DGKG: variants seen among roughly 807,000 people sequenced by gnomAD.
DGKG encodes diacylglycerol kinase gamma.
In DGKG, 78 loss-of-function variants were observed where a neutral mutation model predicts 105.3. The ratio of observed to expected loss-of-function variants is 0.74; its 90% confidence interval spans 0.62 to 0.89. DGKG has a LOEUF of 0.89. Among genes scored for constraint, DGKG ranks in the 40% least tolerant of loss-of-function variants. The pLI is 0.00. For synonymous variants in DGKG, 346 were observed against 367.1 expected (o/e 0.94, Z 0.66); for missense variants, 958 against 1,020.1 (o/e 0.94, Z 0.83).
Position 186,148,573 on chromosome 3 carries a change from C to T in DGKG, c.*1517G>A. 1.0e-6 allele frequency: 1 copy of T among 985,438 alleles called. No homozygotes were observed. The highest frequency in any genetic ancestry group is 1.2e-6 in the Non-Finnish European group (1 of 829,956). The allele number at this position is 985,438 out of a possible 1,614,324, so 61.0% of individuals were successfully genotyped here. A position where few individuals can be genotyped will look rare whatever the true frequency, so the allele number is the denominator to read the frequency against. ...TTTTCAGTGACCAGAAATGACCCTA[C>T]TCTGAGATGTGTGGGTTCTTTTCTC... On this transcript the variant is annotated 3_prime_UTR_variant, in exon 25 of 25. Coordinates refer to ENST00000265022, the MANE Select transcript of DGKG (RefSeq NM_001346.3).
At chr3:186,305,526 G>A (rs1045137181) in intron 3 of DGKG, among the ~76,000 whole-genome samples, 1 of 152,122 alleles carries the variant, frequency 6.6e-6, no homozygotes, top group Non-Finnish European at 1.5e-5. Flanking sequence ...TAGGGATTGG[G>A]GGAACCATGG....
intron 14 of DGKG, among the ~76,000 whole-genome samples, chr3:186,262,562 T>C (rs1306978939): frequency 6.6e-6 from 1 of 152,188 alleles, no homozygotes; most frequent in African/African-American, 2.4e-5. Context: ...CAAAAACTTG[T>C]AAAGACATCT....
chr3:186,184,984 C>T (rs934348392), intron 22 of DGKG, among the ~76,000 whole-genome samples: 1 of 152,134 alleles, frequency 6.6e-6, no homozygotes, highest in African/African-American at 2.4e-5. Context: ...CTGACTATGC[C>T]TTAATTTTGC....
At position 186,188,380 on chromosome 3, in the gene DGKG, C is replaced by T. The variant is rs750998877; in HGVS notation, c.1918-1G>A. On this transcript the variant is annotated splice_acceptor_variant, in intron 21 of 24. Coordinates refer to ENST00000265022, the MANE Select transcript of DGKG (RefSeq NM_001346.3). LOFTEE classifies it high-confidence loss of function. The stretch of plus-strand genomic sequence containing the variant: ...TCAGGTCCACCCCAACCCCATCACA[C>T]TGGAGGACGGAGAGAAAAGGCCATC... 2 of 1,613,818 alleles carry T rather than the reference C, an allele frequency of 1.2e-6. No individual in the cohort carries two copies. Among genetic ancestry groups the T allele is most frequent in the South Asian group, 1.1e-5 (1 of 91,068 alleles).
At chr3:186,198,617 C>T (rs1718297331) in intron 21 of DGKG, among the ~76,000 whole-genome samples, 2 of 152,200 alleles carry the variant, frequency 1.3e-5, no homozygotes, top group African/African-American at 4.8e-5. Context: ...ATGGTGGTGT[C>T]AATATTCCTA....
At chr3:186,207,118 C>G (rs375761837) in intron 21 of DGKG, among the ~76,000 whole-genome samples, 2 of 152,218 alleles carry the variant, frequency 1.3e-5, no homozygotes, top group African/African-American at 2.4e-5. Flanking sequence ...ACAGCACTCA[C>G]GTTCACAGGC....
intron 20 of DGKG, among the ~76,000 whole-genome samples, chr3:186,232,668 C>T (rs1341882858): frequency 1.3e-5 from 2 of 151,890 alleles, no homozygotes; most frequent in African/African-American, 2.4e-5. Flanking sequence ...TTGCAATGTG[C>T]TATATAATAA....
intron 21 of DGKG, among the ~76,000 whole-genome samples, chr3:186,192,254 C>T (rs912446625): frequency 4.6e-5 from 7 of 152,160 alleles, no homozygotes; most frequent in African/African-American, 1.7e-4. Context: ...GGTGATCCAC[C>T]TGCCTTGACC....
At chr3:186,353,661 T>TATCTATATCTATATCTA (rs1726758432) in intron 1 of DGKG, among the ~76,000 whole-genome samples, 1 of 125,082 alleles carries the variant, frequency 8.0e-6, no homozygotes, top group Non-Finnish European at 1.6e-5. Flanking sequence ...TCTATGTCTA[T>TATCTATATCTATATCTA]ATCTATATCT....
intron 21 of DGKG, among the ~76,000 whole-genome samples, chr3:186,197,562 G>T (rs1324770326): frequency 6.6e-6 from 1 of 152,190 alleles, no homozygotes; most frequent in Non-Finnish European, 1.5e-5. Flanking sequence ...CATTTACAGC[G>T]AGAGCATTTC....
At chr3:186,252,799 C>A (rs572188469) in intron 18 of DGKG, among the ~76,000 whole-genome samples, 1 of 152,138 alleles carries the variant, frequency 6.6e-6, no homozygotes, top group Non-Finnish European at 1.5e-5. Flanking sequence ...CTTTACCCTA[C>A]AGTTGATTGC....
chr3:186,207,912 T>C (rs986162167), intron 21 of DGKG, among the ~76,000 whole-genome samples: 8 of 152,238 alleles, frequency 5.3e-5, no homozygotes, highest in African/African-American at 1.2e-4. Flanking sequence ...GTTTCTCTTT[T>C]GTCCAGTTGG....
At chr3:186,334,851 C>T (rs1387885297) in intron 1 of DGKG, among the ~76,000 whole-genome samples, 4 of 152,058 alleles carry the variant, frequency 2.6e-5, no homozygotes, top group Non-Finnish European at 4.4e-5. Context: ...CGGGCATTGG[C>T]TTGTGGCAGT....
intron 1 of DGKG, among the ~76,000 whole-genome samples, chr3:186,327,306 G>A (rs1409493846): frequency 6.6e-6 from 1 of 151,490 alleles, no homozygotes; most frequent in South Asian, 2.1e-4. Context: ...TTTTGCACAT[G>A]TGAGAAGATA....
intron 21 of DGKG, among the ~76,000 whole-genome samples, chr3:186,191,012 A>G (rs760791967): frequency 2.6e-5 from 4 of 152,138 alleles, no homozygotes; most frequent in Non-Finnish European, 4.4e-5. Context: ...GAGGCACATA[A>G]GGGAAGATGC....
chr3:186,317,133 G>A lies in DGKG; in HGVS notation c.67+3260C>T, dbSNP rs1309498495. 3.3e-5 allele frequency among the ~76,000 whole-genome samples: 5 copies of A among 152,118 alleles called. No homozygotes were observed. In the East Asian group the frequency reaches 7.7e-4, roughly 23 times the overall value. ...TACTCTGGTTCCTTTTCATCCCTCC[G>A]CCTGCTCAGCGGCTTTGCTGCATTT... On this transcript the variant is annotated intron_variant, in intron 2 of 24. Coordinates refer to ENST00000265022, the MANE Select transcript of DGKG (RefSeq NM_001346.3).
chr3:186,273,026 A>G (rs1310362938), intron 10 of DGKG, among the ~76,000 whole-genome samples: 1 of 152,156 alleles, frequency 6.6e-6, no homozygotes, highest in Non-Finnish European at 1.5e-5. Flanking sequence ...GGCCAAGGTC[A>G]GGGCTTTTGA....
chr3:186,173,979 C>A (rs191524422), intron 22 of DGKG, among the ~76,000 whole-genome samples: 1 of 152,310 alleles, frequency 6.6e-6, no homozygotes, highest in East Asian at 1.9e-4. Flanking sequence ...GAGAAACTGA[C>A]CCTGTCATGA....
chr3:186,261,189 C>T (rs528053621), intron 15 of DGKG, among the ~76,000 whole-genome samples: 145 of 152,248 alleles, frequency 9.5e-4, no homozygotes, highest in South Asian at 7.9e-3. Flanking sequence ...TTAATGATCC[C>T]GGAATTGGGA....
Sources: allele counts gnomAD v4.1 joint callset (sites outside exome capture counted in the v4.1 genomes callset), GRCh38; gene constraint gnomAD v4.1.1; transcripts MANE v1.5; gene names NCBI Gene and HGNC (gene_info 2026-07-23, HGNC 2026-07-21).